KCNB2: variants seen among roughly 807,000 people sequenced by gnomAD.
The protein encoded by KCNB2 is potassium voltage-gated channel subfamily B member 2, also known as delayed rectifier potassium channel protein.
Under a neutral mutation model 61.5 loss-of-function variants are expected in KCNB2, and 15 were observed. That is an observed-to-expected ratio of 0.24 (90% CI 0.16 to 0.38). The LOEUF is 0.38. KCNB2 is among the 10% of genes least tolerant of loss of function. KCNB2 has a pLI of 1.00. For synonymous variants in KCNB2, 457 were observed against 446.0 expected (o/e 1.02, Z -0.31); for missense variants, 828 against 1,125.2 (o/e 0.74, Z 3.78).
At chr8:72,914,903 CTTCT>C (rs1453861093) in intron 2 of KCNB2, among the ~76,000 whole-genome samples, 6 of 146,836 alleles carry the variant, frequency 4.1e-5, no homozygotes, top group African/African-American at 1.3e-4. Flanking sequence ...AATGACTAAT[CTTCT>C]TTTTTTTTTT....
chr8:72,917,488 G>T (rs1212971311), intron 2 of KCNB2, among the ~76,000 whole-genome samples: 1 of 152,118 alleles, frequency 6.6e-6, no homozygotes, highest in African/African-American at 2.4e-5. Flanking sequence ...AAAATCCAGA[G>T]TTAAAAGCCT....
intron 2 of KCNB2, among the ~76,000 whole-genome samples, chr8:72,644,250 C>G (rs534550658): frequency 1.3e-5 from 2 of 152,034 alleles, no homozygotes; most frequent in South Asian, 4.2e-4. Context: ...AAAGTTCACC[C>G]CCCCCTTCTC....
chr8:72,630,022 T>C (rs79790668), intron 2 of KCNB2, among the ~76,000 whole-genome samples: 1 of 152,214 alleles, frequency 6.6e-6, no homozygotes, highest in Non-Finnish European at 1.5e-5. Context: ...CATGGTTGTC[T>C]GTTAAGCACA....
chr8:72,824,016 C>A (rs977959992), intron 2 of KCNB2, among the ~76,000 whole-genome samples: 5 of 152,174 alleles, frequency 3.3e-5, no homozygotes, highest in Admixed American at 1.3e-4. Context: ...ATTTCTCCCA[C>A]CCCTTTGAAC....
At chr8:72,545,555 T>C (rs1297346324) in intron 1 of KCNB2, among the ~76,000 whole-genome samples, 2 of 152,142 alleles carry the variant, frequency 1.3e-5, no homozygotes, top group Non-Finnish European at 2.9e-5. Context: ...TCCCAACTTC[T>C]CCACTGACTG....
At chr8:72,678,413 C>T (rs945181344) in intron 2 of KCNB2, among the ~76,000 whole-genome samples, 7 of 152,170 alleles carry the variant, frequency 4.6e-5, no homozygotes, top group Non-Finnish European at 1.0e-4. Flanking sequence ...TGTTTCTTCA[C>T]TCATTCTGTT....
chr8:72,795,488 C>A (rs972800340), intron 2 of KCNB2, among the ~76,000 whole-genome samples: 1 of 152,164 alleles, frequency 6.6e-6, no homozygotes, highest in Non-Finnish European at 1.5e-5. Context: ...TTTAAAGCAA[C>A]CTGAATTTGT....
At chr8:72,712,853 C>A (rs1002150318) in intron 2 of KCNB2, among the ~76,000 whole-genome samples, 5 of 152,158 alleles carry the variant, frequency 3.3e-5, no homozygotes, top group Non-Finnish European at 7.3e-5. Flanking sequence ...TGAGCCAAAG[C>A]AGGGCGAGGC....
intron 2 of KCNB2, among the ~76,000 whole-genome samples, chr8:72,731,761 A>T (rs1355701382): frequency 6.6e-6 from 1 of 152,350 alleles, no homozygotes; most frequent in East Asian, 1.9e-4. Context: ...AAATCAATAT[A>T]TGTCACAGAA....
rs184560407 is a variant in KCNB2 at position 72,886,861 on chromosome 8, G to A, written c.580-49074G>A. ...CTATCCAGTGGCACTGAAGAGAGAC[G>A]AAAGAATAATCTGAAGGCTTAACCA... On this transcript the variant is annotated intron_variant, in intron 2 of 2. Transcript: ENST00000523207. Among the ~76,000 whole-genome samples the A allele has an allele frequency of 2.5e-3, 374 of 152,326 alleles. 1 individual carries two copies. The highest frequency in any genetic ancestry group is 0.01 in the Middle Eastern group (3 of 294).
chr8:72,666,257 C>T (rs1005377135), intron 2 of KCNB2, among the ~76,000 whole-genome samples: 13 of 152,174 alleles, frequency 8.5e-5, no homozygotes, highest in African/African-American at 2.9e-4. Context: ...CAGAAGTACA[C>T]ACCTGATACC....
At chr8:72,618,817 G>T (rs2128984010) in intron 2 of KCNB2, 1 of 227,270 alleles carries the variant, frequency 4.4e-6, no homozygotes, top group African/African-American at 2.3e-5. Flanking sequence ...GCAAGAGATG[G>T]ATTCAGCATT....
At chr8:72,903,110 T>C (rs1218560210) in intron 2 of KCNB2, among the ~76,000 whole-genome samples, 3 of 152,220 alleles carry the variant, frequency 2.0e-5, no homozygotes, top group Non-Finnish European at 4.4e-5. Flanking sequence ...TAGTCTGAAG[T>C]TCTTTTTGTT....
At chr8:72,906,451 A>G (rs13250134) in intron 2 of KCNB2, among the ~76,000 whole-genome samples, 91,330 of 151,996 alleles carry the variant, frequency 0.6, 28,642 homozygotes, top group Middle Eastern at 0.71. Flanking sequence ...AAAAGTATTT[A>G]TTTCCATTTC....
intron 2 of KCNB2, among the ~76,000 whole-genome samples, chr8:72,588,891 A>G (rs890969697): frequency 2.0e-5 from 3 of 152,104 alleles, no homozygotes; most frequent in African/African-American, 7.2e-5. Context: ...GCCAGACACC[A>G]TCTCAAAAAC....
chr8:72,547,603 A>G (rs1014145371), intron 1 of KCNB2, among the ~76,000 whole-genome samples: 17 of 152,166 alleles, frequency 1.1e-4, no homozygotes, highest in Admixed American at 5.9e-4. Context: ...TGGTGGAGAG[A>G]AGGAGAATTA....
chr8:72,823,652 T>C (rs1809549166), intron 2 of KCNB2, among the ~76,000 whole-genome samples: 1 of 152,242 alleles, frequency 6.6e-6, no homozygotes, highest in East Asian at 1.9e-4. Flanking sequence ...ACAATAATTA[T>C]AGCTCACATT....
At chr8:72,819,967 T>C (rs1809466066) in intron 2 of KCNB2, among the ~76,000 whole-genome samples, 1 of 152,152 alleles carries the variant, frequency 6.6e-6, no homozygotes, top group South Asian at 2.1e-4. Flanking sequence ...GGCTGGTTTT[T>C]TCCTGGCTCC....
chr8:72,673,742 A>G (rs954632337), intron 2 of KCNB2, among the ~76,000 whole-genome samples: 3 of 152,218 alleles, frequency 2.0e-5, no homozygotes, highest in Admixed American at 2.0e-4. Flanking sequence ...CATAGAATAG[A>G]CAAATTCATT....
Sources: allele counts gnomAD v4.1 joint callset (sites outside exome capture counted in the v4.1 genomes callset), GRCh38; gene constraint gnomAD v4.1.1; transcripts MANE v1.5; gene names NCBI Gene and HGNC (gene_info 2026-07-23, HGNC 2026-07-21).